Variants in UBAC2 observed in about 807,000 individuals in gnomAD.
UBAC2 encodes ubiquitin-associated domain-containing protein 2.
UBAC2 carries 26 observed loss-of-function variants against 44.0 expected under a neutral mutation model. That is an observed-to-expected ratio of 0.59 (90% CI 0.43 to 0.82). UBAC2 has a LOEUF of 0.82. Among genes scored for constraint, UBAC2 ranks in the 40% least tolerant of loss-of-function variants. UBAC2 has a pLI of 0.00. For synonymous variants in UBAC2, 155 were observed against 154.3 expected, an observed-to-expected ratio of 1.00 and a Z score of -0.04; for missense variants, 329 against 419.4, an observed-to-expected ratio of 0.78 and a Z score of 1.88.
rs532024058 is a variant in UBAC2, at chr13:99,215,421, T to C, written c.31+14482T>C. The stretch of plus-strand genomic sequence containing the variant: ...CTTCCCAATCAGAGATTTGTGGATG[T>C]GTGGAATGACACCACCACCAGCAAT... On this transcript the variant is annotated intron_variant, in intron 1 of 8. Coordinates refer to ENST00000403766, the MANE Select transcript of UBAC2 (RefSeq NM_001144072.2). 30 of 1,318,836 alleles carry C rather than the reference T, an allele frequency of 2.3e-5. No individual in the cohort carries two copies. The Admixed American group carries it at 3.9e-4, about 17-fold the overall frequency. 81.7% of individuals were successfully genotyped at this position (1,318,836 alleles called of 1,614,324 possible).
At chr13:99,201,814 G>A (rs2042804803) in intron 1 of UBAC2, among the ~76,000 whole-genome samples, 1 of 152,154 alleles carries the variant, frequency 6.6e-6, no homozygotes, top group Admixed American at 6.5e-5. Flanking sequence ...GCTCACGCCT[G>A]TAATCCCAGC....
At position 99,237,267 on chromosome 13, in the gene UBAC2, T is replaced by TACACACAC. The variant is rs560517982; in HGVS notation, c.32-1159_32-1158insCACACACA. 5.3e-3 allele frequency among the ~76,000 whole-genome samples: 625 copies of TACACACAC among 118,730 alleles called. 5 individuals carry two copies. The highest frequency in any genetic ancestry group is 0.016 in the African/African-American group (557 of 35,788). The allele number at this position is 118,730 out of a possible 152,430, so 77.9% of individuals were successfully genotyped here. A position where few individuals can be genotyped will look rare whatever the true frequency, so the allele number is the denominator to read the frequency against. ...AAAATTTTATGCGTATATATATATA[T>TACACACAC]ATATACACACACACACACACACACA... is the stretch of plus-strand genomic sequence containing the variant. On this transcript the variant is annotated intron_variant, in intron 1 of 8. Transcript: ENST00000403766.
intron 2 of UBAC2, among the ~76,000 whole-genome samples, chr13:99,238,964 T>G (rs533641967): frequency 6.6e-6 from 1 of 152,356 alleles, no homozygotes; most frequent in East Asian, 1.9e-4. Flanking sequence ...TGATAACTTT[T>G]ACAGTGGTGG....
At chr13:99,252,335 A>G (rs2043468706) in intron 4 of UBAC2, among the ~76,000 whole-genome samples, 1 of 152,238 alleles carries the variant, frequency 6.6e-6, no homozygotes, top group South Asian at 2.1e-4. Context: ...GGGGGAACCA[A>G]GTTTTACTTT....
intron 4 of UBAC2, among the ~76,000 whole-genome samples, chr13:99,273,183 T>A (rs1171507912): frequency 6.6e-6 from 1 of 152,220 alleles, no homozygotes; most frequent in Non-Finnish European, 1.5e-5. Context: ...TCATCTTTTC[T>A]AAAAATGTTG....
intron 4 of UBAC2, among the ~76,000 whole-genome samples, chr13:99,284,203 A>G (rs570455466): frequency 2.2e-4 from 34 of 152,252 alleles, no homozygotes; most frequent in Non-Finnish European, 4.9e-4. Flanking sequence ...TAAAATAAGA[A>G]GTACAAATAA....
chr13:99,229,967 C>T (rs558591621), intron 1 of UBAC2, among the ~76,000 whole-genome samples: 1 of 152,286 alleles, frequency 6.6e-6, no homozygotes, highest in Admixed American at 6.5e-5. Context: ...CTATCTTAAA[C>T]CTTGTGAATT....
At chr13:99,314,281 G>A in intron 5 of UBAC2, 61 bp downstream of exon 5, 1 of 847,580 alleles carries the variant, frequency 1.2e-6, no homozygotes, top group Non-Finnish European at 1.6e-6. Flanking sequence ...TTTTTTTTTT[G>A]GTCTTTTTCT....
intron 7 of UBAC2, among the ~76,000 whole-genome samples, chr13:99,362,721 A>T (rs1428398716): frequency 6.6e-6 from 1 of 152,136 alleles, no homozygotes; most frequent in Admixed American, 6.6e-5. Flanking sequence ...TTGATTTATA[A>T]GTGTTGTCTT....
At chr13:99,351,878 G>C (rs2045096715) in intron 7 of UBAC2, 1 of 404,344 alleles carries the variant, frequency 2.5e-6, no homozygotes, top group African/African-American at 2.1e-5. Flanking sequence ...TCTGTGTTTT[G>C]CCTGCAAGGA....
chr13:99,338,801 TCTTA>T, intron 6 of UBAC2, among the ~76,000 whole-genome samples: 1 of 152,350 alleles, frequency 6.6e-6, no homozygotes, highest in South Asian at 2.1e-4. Context: ...GCTAGTTCTG[TCTTA>T]CTTATCAGCT....
chr13:99,377,897 C>T (rs796251085), intron 8 of UBAC2, among the ~76,000 whole-genome samples: 10 of 152,314 alleles, frequency 6.6e-5, no homozygotes, highest in African/African-American at 1.9e-4. Flanking sequence ...TGTGGTCACA[C>T]GGGGCCAACT....
intron 7 of UBAC2, among the ~76,000 whole-genome samples, chr13:99,365,042 T>C (rs938077404): frequency 3.9e-5 from 6 of 152,236 alleles, no homozygotes; most frequent in Admixed American, 3.3e-4. Context: ...TACCAATGTC[T>C]GTTTTCTCTA....
At chr13:99,376,356 G>T (rs2045479871) in intron 8 of UBAC2, among the ~76,000 whole-genome samples, 1 of 152,226 alleles carries the variant, frequency 6.6e-6, no homozygotes, top group African/African-American at 2.4e-5. Flanking sequence ...GTGACGAAAG[G>T]CAACTGATGG....
intron 4 of UBAC2, among the ~76,000 whole-genome samples, chr13:99,274,467 G>A (rs2043857527): frequency 6.6e-6 from 1 of 151,666 alleles, no homozygotes; most frequent in Non-Finnish European, 1.5e-5. Context: ...TGAGACTACA[G>A]ATGCACTCCA....
At chr13:99,378,164 A>G (rs1166970776) in intron 8 of UBAC2, among the ~76,000 whole-genome samples, 1 of 152,200 alleles carries the variant, frequency 6.6e-6, no homozygotes, top group African/African-American at 2.4e-5. Flanking sequence ...ACCTTGACTC[A>G]GAACCATCTC....
rs146695518 is a variant in UBAC2, at chr13:99,294,918, G to A, written c.390-19179G>A. 75 of 826,508 alleles carry A rather than the reference G, an allele frequency of 9.1e-5. No homozygotes were observed. The East Asian group carries it at 1.4e-3, about 15-fold the overall frequency. The allele number at this position is 826,508 out of a possible 1,614,324, so 51.2% of individuals were successfully genotyped here. A position where few individuals can be genotyped will look rare whatever the true frequency, so the allele number is the denominator to read the frequency against. On this transcript the variant is annotated intron_variant, in intron 4 of 8. Coordinates refer to ENST00000403766, the MANE Select transcript of UBAC2 (RefSeq NM_001144072.2). ...ATGTTGTTCTCTTGGGCTTACTTCCGAGTTGGAGATGGGAAAGTGCCCAAT... is the reference window on the plus strand; with the variant it reads ...ATGTTGTTCTCTTGGGCTTACTTCCAAGTTGGAGATGGGAAAGTGCCCAAT...
intron 8 of UBAC2, among the ~76,000 whole-genome samples, chr13:99,373,670 A>ATTGT (rs1192732018): frequency 6.6e-6 from 1 of 152,212 alleles, no homozygotes; most frequent in African/African-American, 2.4e-5. Flanking sequence ...GGGCCTGAAG[A>ATTGT]CAAGTACATG....
At chr13:99,242,163 C>T (rs1006394945) in intron 2 of UBAC2, among the ~76,000 whole-genome samples, 16 of 152,332 alleles carry the variant, frequency 1.1e-4, no homozygotes, top group Admixed American at 2.6e-4. Context: ...GGCAACCATC[C>T]GATTTCTCAA....
Sources: allele counts gnomAD v4.1 joint callset (sites outside exome capture counted in the v4.1 genomes callset), GRCh38; gene constraint gnomAD v4.1.1; transcripts MANE v1.5; gene names NCBI Gene and HGNC (gene_info 2026-07-23, HGNC 2026-07-21).